Variants in MICU1 observed in about 807,000 individuals in gnomAD.
The protein encoded by MICU1 is calcium uptake protein 1, mitochondrial.
In MICU1, 45 loss-of-function variants were observed where a neutral mutation model predicts 56.8. That is an observed-to-expected ratio of 0.79 (90% confidence interval 0.62 to 1.02). The LOEUF (loss-of-function observed/expected upper bound fraction) is 1.02, where lower values mean the gene tolerates loss of function less well. Among genes scored for constraint, MICU1 ranks in the 50% least tolerant of loss-of-function variants. The pLI is 0.00. For missense variants in MICU1, 504 were observed against 587.1 expected (o/e 0.86, Z 1.46); for synonymous variants, 186 against 195.1 (o/e 0.95, Z 0.39).
At chr10:72,471,133 G>GAGT (rs1189635258) in intron 8 of MICU1, among the ~76,000 whole-genome samples, 1 of 152,044 alleles carries the variant, frequency 6.6e-6, no homozygotes, top group East Asian at 1.9e-4. Flanking sequence ...TCACCAGGCT[G>GAGT]GAGTGCAGTG....
At chr10:72,587,618 C>G (rs1001565448) in intron 1 of MICU1, among the ~76,000 whole-genome samples, 1 of 151,620 alleles carries the variant, frequency 6.6e-6, no homozygotes, top group Non-Finnish European at 1.5e-5. Context: ...AAATATACAA[C>G]GACAACAACA....
intron 1 of MICU1, among the ~76,000 whole-genome samples, chr10:72,604,858 A>T (rs1054640851): frequency 6.6e-6 from 1 of 151,946 alleles, no homozygotes; most frequent in Admixed American, 6.6e-5. Context: ...AACCAGCTTG[A>T]CCTCTTATTG....
At chr10:72,418,354 C>T (rs188475269) in intron 9 of MICU1, among the ~76,000 whole-genome samples, 31 of 152,312 alleles carry the variant, frequency 2.0e-4, no homozygotes, top group Admixed American at 3.3e-4. Flanking sequence ...CAAACAACCA[C>T]ATTCCTTAAA....
intron 5 of MICU1, chr10:72,533,080 A>G: frequency 1.6e-6 from 2 of 1,289,752 alleles, no homozygotes. Flanking sequence ...TTCTTTCTGA[A>G]GTGCTTTCTT....
chr10:72,578,069 C>A (rs747269201), intron 1 of MICU1, among the ~76,000 whole-genome samples: 1 of 152,100 alleles, frequency 6.6e-6, no homozygotes, highest in Non-Finnish European at 1.5e-5. Context: ...ACAGAGAAAT[C>A]TTTTGTGAAA....
At chr10:72,471,567 TTTTG>T (rs1413597776) in intron 8 of MICU1, among the ~76,000 whole-genome samples, 9 of 139,414 alleles carry the variant, frequency 6.5e-5, no homozygotes, top group South Asian at 2.3e-4. Context: ...CTAAAAGTTT[TTTTG>T]TTTGTTTTTA....
chr10:72,577,930 A>C (rs1840792088), intron 1 of MICU1, among the ~76,000 whole-genome samples: 1 of 152,162 alleles, frequency 6.6e-6, no homozygotes, highest in Admixed American at 6.5e-5. Context: ...AATGACCATA[A>C]AGGATTTACA....
intron 10 of MICU1, among the ~76,000 whole-genome samples, chr10:72,384,047 G>T (rs1376513542): frequency 6.6e-6 from 1 of 152,114 alleles, no homozygotes; most frequent in Non-Finnish European, 1.5e-5. Context: ...AGGCTGGAGT[G>T]CAGTAGTGAG....
chr10:72,495,097 T>C (rs1589276661), intron 6 of MICU1, among the ~76,000 whole-genome samples: 1 of 152,128 alleles, frequency 6.6e-6, no homozygotes, highest in Non-Finnish European at 1.5e-5. Context: ...TTCCCAAGAG[T>C]TCCTGGGTGA....
chr10:72,506,004 A>AAAAAAC (rs1554882632), intron 6 of MICU1, among the ~76,000 whole-genome samples: 3,876 of 151,624 alleles, frequency 0.026, 161 homozygotes, highest in African/African-American at 0.09. Context: ...AGCAAAAAAA[A>AAAAAAC]AAAAAAACTA....
intron 10 of MICU1, among the ~76,000 whole-genome samples, chr10:72,377,784 G>A (rs1316853813): frequency 6.6e-6 from 1 of 152,222 alleles, no homozygotes; most frequent in Non-Finnish European, 1.5e-5. Context: ...GAAGCCAAGT[G>A]AACTTAAACT....
intron 6 of MICU1, among the ~76,000 whole-genome samples, chr10:72,491,357 T>C (rs1866649005): frequency 1.3e-5 from 2 of 152,338 alleles, no homozygotes; most frequent in South Asian, 4.1e-4. Context: ...TGACTCCATC[T>C]GTGGAAAAAT....
intron 6 of MICU1, among the ~76,000 whole-genome samples, chr10:72,505,611 T>C (rs1366000473): frequency 6.6e-6 from 1 of 152,142 alleles, no homozygotes; most frequent in Non-Finnish European, 1.5e-5. Context: ...TACACAACAC[T>C]ATGGAATACT....
intron 8 of MICU1, among the ~76,000 whole-genome samples, chr10:72,427,808 T>C (rs1343055688): frequency 2.0e-5 from 3 of 150,572 alleles, no homozygotes; most frequent in African/African-American, 7.3e-5. Flanking sequence ...AACTGTGCAA[T>C]GCAAGACTGC....
chr10:72,385,914 G>A (rs1372814247), intron 10 of MICU1, among the ~76,000 whole-genome samples: 1 of 152,172 alleles, frequency 6.6e-6, no homozygotes, highest in East Asian at 1.9e-4. Flanking sequence ...TGGTGGCAAG[G>A]AGCTGTAGTC....
chr10:72,566,534 T>G, intron 2 of MICU1, 99 bp downstream of exon 2: 1 of 1,233,016 alleles, frequency 8.1e-7, no homozygotes, highest in Non-Finnish European at 1.1e-6. Flanking sequence ...CAAGAAATTC[T>G]GATACAGAGT....
intron 4 of MICU1, among the ~76,000 whole-genome samples, chr10:72,549,308 C>T (rs776635790): frequency 1.9e-4 from 29 of 151,342 alleles, no homozygotes; most frequent in African/African-American, 6.3e-4. Flanking sequence ...CTCCCACCTC[C>T]GCCTCCCAAG....
intron 1 of MICU1, among the ~76,000 whole-genome samples, chr10:72,588,858 G>A (rs191564217): frequency 1.3e-5 from 2 of 152,278 alleles, no homozygotes; most frequent in East Asian, 1.9e-4. Context: ...GGAAAAATCA[G>A]TCCAGGTTGA....
chr10:72,545,074 T>C (rs1211616457), intron 4 of MICU1, among the ~76,000 whole-genome samples: 1 of 152,214 alleles, frequency 6.6e-6, no homozygotes, highest in African/African-American at 2.4e-5. Flanking sequence ...CCATTTCTGA[T>C]AGAAATTCAA....
Sources: gnomAD v4.1 joint callset for allele counts (sites outside exome capture counted in the v4.1 genomes callset) on GRCh38, gnomAD v4.1.1 for gene constraint, MANE v1.5 for transcripts, NCBI Gene and HGNC (gene_info 2026-07-23, HGNC 2026-07-21) for gene names.